TMEM45A: variants seen among roughly 807,000 people sequenced by gnomAD.
The protein encoded by TMEM45A is transmembrane protein 45A.
A neutral mutation model predicts 32.0 loss-of-function variants in TMEM45A; 25 were observed. The observed-to-expected ratio is 0.78, with a 90% CI of 0.57 to 1.09. TMEM45A has a LOEUF of 1.09. Ranked by LOEUF, TMEM45A falls within the 50% of genes least tolerant of loss-of-function variation. The probability of loss-of-function intolerance (pLI) is 0.00; values close to 1 mark genes in which losing one functional copy is unlikely to be tolerated. For synonymous variants in TMEM45A, 122 were observed against 114.8 expected (o/e 1.06, Z -0.40); for missense variants, 302 against 325.0 (o/e 0.93, Z 0.54).
rs189074871 is a variant in TMEM45A, at chr3:100,575,437, A to G, written c.735-1488A>G. ...GCCCAGGCTGGAGTGCAGTGGCGTGATCTCAGCTCACTGCAACCTCCACCG... is the reference window on the plus strand; with the variant it reads ...GCCCAGGCTGGAGTGCAGTGGCGTGGTCTCAGCTCACTGCAACCTCCACCG... On this transcript the variant is annotated intron_variant, in intron 5 of 5. Coordinates refer to ENST00000323523, the MANE Select transcript of TMEM45A (RefSeq NM_018004.3). Among the ~76,000 whole-genome samples, 999 of 122,314 alleles carry G rather than the reference A, an allele frequency of 8.2e-3. 4 individuals are homozygous for G. The highest frequency in any genetic ancestry group is 0.025 in the Middle Eastern group (3 of 122). 80.2% of individuals were successfully genotyped at this position (122,314 alleles called of 152,430 possible).
chr3:100,569,225 C>T (rs1265246346), intron 5 of TMEM45A, among the ~76,000 whole-genome samples: 1 of 152,182 alleles, frequency 6.6e-6, no homozygotes, highest in Non-Finnish European at 1.5e-5. Flanking sequence ...TCCTCTGTGC[C>T]TCCATGTCTC....
intron 4 of TMEM45A, among the ~76,000 whole-genome samples, chr3:100,561,860 A>T (rs1375659413): frequency 6.6e-6 from 1 of 152,172 alleles, no homozygotes; most frequent in African/African-American, 2.4e-5. Flanking sequence ...TCCTCCCATC[A>T]CTGCACAGAT....
At chr3:100,510,150 T>C (rs1708136246) in intron 1 of TMEM45A, among the ~76,000 whole-genome samples, 1 of 152,202 alleles carries the variant, frequency 6.6e-6, no homozygotes, top group Admixed American at 6.5e-5. Flanking sequence ...CTCTGTAGGC[T>C]CCACCTCTGG....
chr3:100,544,221 T>G (rs1422384136), intron 1 of TMEM45A, among the ~76,000 whole-genome samples: 1 of 152,116 alleles, frequency 6.6e-6, no homozygotes, highest in African/African-American at 2.4e-5. Flanking sequence ...CTCTTTTAGG[T>G]GCACTGCTCC....
At chr3:100,557,442 G>A (rs547431234) in intron 3 of TMEM45A, among the ~76,000 whole-genome samples, 1 of 152,026 alleles carries the variant, frequency 6.6e-6, no homozygotes, top group African/African-American at 2.4e-5. Context: ...AAAAAATGCA[G>A]TCACATAAAA....
intron 1 of TMEM45A, among the ~76,000 whole-genome samples, chr3:100,512,737 T>C (rs1038946976): frequency 1.3e-5 from 2 of 148,200 alleles, no homozygotes; most frequent in Non-Finnish European, 3.0e-5. Flanking sequence ...GCAAGACTAA[T>C]AAAGAAAAAA....
rs1706708717 is a variant in TMEM45A, at chr3:100,577,139, G to T, written c.*121G>T. On this transcript the variant is annotated 3_prime_UTR_variant, in exon 6 of 6. Transcript: ENST00000323523. ...AAGGATGACTCTAAGTGTACTGTTTGCATTTCCAATTTGGTTAAAGTATTT... is the reference window on the plus strand; with the variant it reads ...AAGGATGACTCTAAGTGTACTGTTTTCATTTCCAATTTGGTTAAAGTATTT... 2 of 703,052 alleles carry T rather than the reference G, an allele frequency of 2.8e-6. No homozygotes were observed. Among genetic ancestry groups the T allele is most frequent in the African/African-American group, 3.7e-5 (2 of 54,126 alleles). The allele number at this position is 703,052 out of a possible 1,614,324, so 43.6% of individuals were successfully genotyped here.
chr3:100,504,571 G>T (rs73860682), intron 1 of TMEM45A, among the ~76,000 whole-genome samples: 2 of 152,206 alleles, frequency 1.3e-5, no homozygotes, highest in South Asian at 4.1e-4. Flanking sequence ...ATTTACCAAC[G>T]GCCCAAAAGT....
intron 4 of TMEM45A, among the ~76,000 whole-genome samples, chr3:100,568,029 C>T (rs1479894417): frequency 6.6e-6 from 1 of 152,208 alleles, no homozygotes; most frequent in Non-Finnish European, 1.5e-5. Context: ...TCATGATCCA[C>T]CCACCTCGGC....
chr3:100,521,265 CT>C (rs1302066586), intron 1 of TMEM45A, among the ~76,000 whole-genome samples: 7 of 148,674 alleles, frequency 4.7e-5, no homozygotes, highest in Admixed American at 1.3e-4. Context: ...TTTCCCCTTT[CT>C]TTTTTTTTTG....
chr3:100,501,032 A>G (rs1441163624), intron 1 of TMEM45A, among the ~76,000 whole-genome samples: 1 of 152,240 alleles, frequency 6.6e-6, no homozygotes, highest in Admixed American at 6.5e-5. Flanking sequence ...ACACCTACAC[A>G]ATATTTTATT....
chr3:100,544,980 A>T (rs908047540), intron 1 of TMEM45A, among the ~76,000 whole-genome samples: 1 of 152,204 alleles, frequency 6.6e-6, no homozygotes, highest in African/African-American at 2.4e-5. Flanking sequence ...GCTGGTCCAC[A>T]TCCATACCAA....
At chr3:100,514,863 A>G (rs1205358372) in intron 1 of TMEM45A, among the ~76,000 whole-genome samples, 1 of 149,438 alleles carries the variant, frequency 6.7e-6, no homozygotes, top group Non-Finnish European at 1.5e-5. Context: ...GCAGCCAAAA[A>G]ACACATGAAA....
intron 1 of TMEM45A, among the ~76,000 whole-genome samples, chr3:100,548,790 G>C (rs1706031361): frequency 6.6e-6 from 1 of 152,204 alleles, no homozygotes; most frequent in Non-Finnish European, 1.5e-5. Context: ...AAGTGTCCCT[G>C]TACAATGCAA....
intron 1 of TMEM45A, among the ~76,000 whole-genome samples, chr3:100,501,417 C>T (rs181058173): frequency 3.9e-5 from 6 of 152,330 alleles, no homozygotes; most frequent in Admixed American, 3.9e-4. Context: ...AACCATGGAT[C>T]TAGTGGGAGG....
At chr3:100,522,424 A>G (rs1189296727) in intron 1 of TMEM45A, among the ~76,000 whole-genome samples, 1 of 152,174 alleles carries the variant, frequency 6.6e-6, no homozygotes, top group Non-Finnish European at 1.5e-5. Context: ...CTCCTTCTGA[A>G]TTCACAGAAA....
chr3:100,520,617 C>G (rs1447828312), intron 1 of TMEM45A, among the ~76,000 whole-genome samples: 2 of 152,300 alleles, frequency 1.3e-5, no homozygotes, highest in East Asian at 3.9e-4. Context: ...ACGCCCCACA[C>G]AAACCTCTGA....
At position 100,495,827 on chromosome 3, in the gene TMEM45A, C is replaced by T. The variant is rs73860672; in HGVS notation, c.-4+2899C>T. On this transcript the variant is annotated intron_variant, in intron 1 of 5. Transcript: ENST00000323523. ...AGTTACCCAGGCTACTTTTTGTTAA[C>T]AGGCCATGCCCTAAAATCTTTGACA... 8.6e-3 allele frequency among the ~76,000 whole-genome samples: 1,306 copies of T among 152,218 alleles called. 23 individuals carry two copies. The highest frequency in any genetic ancestry group is 0.03 in the African/African-American group (1,243 of 41,522).
At chr3:100,519,297 C>G (rs978393153) in intron 1 of TMEM45A, 1 of 500,234 alleles carries the variant, frequency 2.0e-6, no homozygotes, top group Admixed American at 3.3e-5. Flanking sequence ...GTGGGGGACT[C>G]AGGCAGAGGT....
Sources: allele counts gnomAD v4.1 joint callset (sites outside exome capture counted in the v4.1 genomes callset), GRCh38; gene constraint gnomAD v4.1.1; transcripts MANE v1.5; gene names NCBI Gene and HGNC (gene_info 2026-07-23, HGNC 2026-07-21).